The following CNTNAP2 variants were observed in gnomAD, a reference collection of about 807,000 sequenced individuals.
The protein encoded by CNTNAP2 is contactin associated protein 2.
Under a neutral mutation model 155.2 loss-of-function variants are expected in CNTNAP2, and 98 were observed. The ratio of observed to expected loss-of-function variants is 0.63; its 90% CI spans 0.54 to 0.75. The LOEUF is 0.75. Ranked by LOEUF, CNTNAP2 falls within the 30% of genes least tolerant of loss-of-function variation. The pLI, the probability that CNTNAP2 is intolerant of heterozygous loss-of-function variation, is 0.00. For synonymous variants in CNTNAP2, 651 were observed against 631.2 expected, an observed-to-expected ratio of 1.03 and a Z score of -0.47; for missense variants, 1,727 against 1,688.1, an observed-to-expected ratio of 1.02 and a Z score of -0.40.
intron 1 of CNTNAP2, among the ~76,000 whole-genome samples, chr7:146,570,219 T>C (rs1798420856): frequency 6.6e-6 from 1 of 152,278 alleles, no homozygotes; most frequent in East Asian, 1.9e-4. Flanking sequence ...GCCCATTTTT[T>C]TTTTTCTCTT....
chr7:146,660,016 G>A (rs1055137579), intron 1 of CNTNAP2, among the ~76,000 whole-genome samples: 5 of 152,184 alleles, frequency 3.3e-5, no homozygotes, highest in Non-Finnish European at 5.9e-5. Context: ...CCAAGGGCAC[G>A]GTTATGCTGT....
At chr7:146,804,778 A>T (rs1802938671) in intron 2 of CNTNAP2, among the ~76,000 whole-genome samples, 1 of 152,192 alleles carries the variant, frequency 6.6e-6, no homozygotes, top group Non-Finnish European at 1.5e-5. Flanking sequence ...CAACTGGTCT[A>T]AAGCAGCTGT....
At chr7:146,721,709 TTCTA>T (rs767117016) in intron 1 of CNTNAP2, among the ~76,000 whole-genome samples, 9,532 of 114,586 alleles carry the variant, frequency 0.083, 1,281 homozygotes, top group African/African-American at 0.25. Flanking sequence ...TCTATATACA[TTCTA>T]TATATATTCT....
At chr7:147,136,520 T>C (rs2129286206) in intron 8 of CNTNAP2, among the ~76,000 whole-genome samples, 1 of 152,090 alleles carries the variant, frequency 6.6e-6, no homozygotes, top group South Asian at 2.1e-4. Flanking sequence ...TTCCATTGGG[T>C]GTCTCAAGGG....
At chr7:147,694,507 G>A (rs889530521) in intron 13 of CNTNAP2, among the ~76,000 whole-genome samples, 4 of 152,042 alleles carry the variant, frequency 2.6e-5, no homozygotes, top group African/African-American at 9.7e-5. Context: ...ATTAATTATT[G>A]ATTCAGTTTC....
intron 1 of CNTNAP2, among the ~76,000 whole-genome samples, chr7:146,748,195 G>T (rs1801843497): frequency 7.2e-6 from 1 of 138,082 alleles, no homozygotes; most frequent in Non-Finnish European, 1.5e-5. Flanking sequence ...ACCCAGGCTG[G>T]AGTACAGTGG....
chr7:147,331,779 C>G (rs541744636), intron 9 of CNTNAP2, among the ~76,000 whole-genome samples: 1 of 152,274 alleles, frequency 6.6e-6, no homozygotes, highest in South Asian at 2.1e-4. Flanking sequence ...TGGCCACTGG[C>G]CAGACCTTGT....
At chr7:146,792,195 G>A (rs2129189273) in intron 2 of CNTNAP2, among the ~76,000 whole-genome samples, 1 of 151,966 alleles carries the variant, frequency 6.6e-6, no homozygotes, top group East Asian at 1.9e-4. Context: ...TTCAGGCTGG[G>A]AGAGAACATT....
intron 3 of CNTNAP2, among the ~76,000 whole-genome samples, chr7:146,913,477 G>C (rs768180794): frequency 6.6e-6 from 1 of 152,136 alleles, no homozygotes; most frequent in African/African-American, 2.4e-5. Context: ...ATAAATGAGA[G>C]TAATTTATTT....
chr7:148,078,828 A>T (rs1803544959), intron 15 of CNTNAP2, among the ~76,000 whole-genome samples: 1 of 152,222 alleles, frequency 6.6e-6, no homozygotes, highest in Admixed American at 6.5e-5. Context: ...GAGAAGAAAA[A>T]ATTACATATT....
chr7:146,835,260 A>G (rs1803594193), intron 2 of CNTNAP2, among the ~76,000 whole-genome samples: 1 of 152,228 alleles, frequency 6.6e-6, no homozygotes, highest in Non-Finnish European at 1.5e-5. Context: ...ATTCATTAGC[A>G]AAACAGAGGA....
chr7:147,626,924 G>A lies in CNTNAP2; in HGVS notation c.1898-12182G>A, dbSNP rs114734352. ...ACTCTCACAGAGTCTACCTCACTTC[G>A]CTGCCACCTCTACCAGAGCAGGTGC... On this transcript the variant is annotated intron_variant, in intron 12 of 23. Transcript: ENST00000361727. Among the ~76,000 whole-genome samples the A allele has an allele frequency of 4.3e-3, 658 of 152,208 alleles. 4 individuals carry two copies. The highest frequency in any genetic ancestry group is 0.015 in the African/African-American group (629 of 41,524).
intron 15 of CNTNAP2, among the ~76,000 whole-genome samples, chr7:147,982,077 C>A (rs1379307312): frequency 6.6e-6 from 1 of 152,064 alleles, no homozygotes; most frequent in African/African-American, 2.4e-5. Context: ...GGCTGCCAAA[C>A]TTTCATACTT....
At chr7:146,487,729 T>C (rs1001796300) in intron 1 of CNTNAP2, among the ~76,000 whole-genome samples, 1 of 152,190 alleles carries the variant, frequency 6.6e-6, no homozygotes, top group Admixed American at 6.5e-5. Flanking sequence ...GATACTGTAC[T>C]AACACAGGTA....
At chr7:146,723,045 G>T (rs1435391244) in intron 1 of CNTNAP2, among the ~76,000 whole-genome samples, 1 of 152,062 alleles carries the variant, frequency 6.6e-6, no homozygotes, top group Non-Finnish European at 1.5e-5. Context: ...CATATATGTT[G>T]AAGTCCTAAA....
At chr7:146,230,918 G>A (rs1436127431) in intron 1 of CNTNAP2, among the ~76,000 whole-genome samples, 2 of 151,994 alleles carry the variant, frequency 1.3e-5, no homozygotes, top group Non-Finnish European at 2.9e-5. Context: ...GGGAGGCTGA[G>A]GCATGAGAAT....
chr7:148,276,442 C>T (rs755685632), intron 21 of CNTNAP2, among the ~76,000 whole-genome samples: 11 of 152,226 alleles, frequency 7.2e-5, no homozygotes, highest in Non-Finnish European at 1.3e-4. Flanking sequence ...CAGGGCATCT[C>T]GCCACCTCCT....
intron 9 of CNTNAP2, among the ~76,000 whole-genome samples, chr7:147,308,569 G>T (rs1302707105): frequency 1.3e-5 from 2 of 152,150 alleles, no homozygotes; most frequent in East Asian, 3.9e-4. Flanking sequence ...TGACGAAAAG[G>T]CTCATACCTC....
At chr7:147,497,716 C>T (rs541112229) in intron 11 of CNTNAP2, among the ~76,000 whole-genome samples, 25 of 152,228 alleles carry the variant, frequency 1.6e-4, no homozygotes, top group African/African-American at 6.0e-4. Context: ...AAACATATCC[C>T]TACTCAGAAA....
Sources: gnomAD v4.1 joint callset for allele counts (sites outside exome capture counted in the v4.1 genomes callset) on GRCh38, gnomAD v4.1.1 for gene constraint, MANE v1.5 for transcripts, NCBI Gene and HGNC (gene_info 2026-07-23, HGNC 2026-07-21) for gene names.